GCSAML: variants seen among roughly 807,000 people sequenced by gnomAD.
GCSAML encodes germinal center-associated signaling and motility-like protein.
Under a neutral mutation model 13.0 loss-of-function variants are expected in GCSAML, and 9 were observed. The observed-to-expected ratio is 0.69, with a 90% confidence interval of 0.42 to 1.21. GCSAML has a LOEUF of 1.21. Among genes scored for constraint, GCSAML ranks in the 50% most tolerant of loss-of-function variants. The pLI is 0.00. For synonymous variants in GCSAML, 37 were observed against 52.9 expected, an observed-to-expected ratio of 0.70 and a Z score of 1.31; for missense variants, 143 against 153.4, an observed-to-expected ratio of 0.93 and a Z score of 0.36.
At chr1:247,540,660 G>A (rs1667383598) in intron 2 of GCSAML, among the ~76,000 whole-genome samples, 1 of 152,224 alleles carries the variant, frequency 6.6e-6, no homozygotes, top group South Asian at 2.1e-4. Context: ...ATGAACTGAA[G>A]GTGGGGGCAG....
chr1:247,517,938 C>G (rs561519313), intron 1 of GCSAML, among the ~76,000 whole-genome samples: 38 of 152,302 alleles, frequency 2.5e-4, no homozygotes, highest in African/African-American at 9.1e-4. Flanking sequence ...TGGAGACGGT[C>G]CCGTTTGTGG....
intron 1 of GCSAML, among the ~76,000 whole-genome samples, chr1:247,552,161 G>A (rs1157324630): frequency 6.6e-6 from 1 of 152,212 alleles, no homozygotes; most frequent in Non-Finnish European, 1.5e-5. Context: ...ACAGAGAGGA[G>A]GGCAGGAGAA....
chr1:247,534,150 G>A (rs1380072533), intron 2 of GCSAML, among the ~76,000 whole-genome samples: 1 of 152,012 alleles, frequency 6.6e-6, no homozygotes, highest in Non-Finnish European at 1.5e-5. Context: ...TTTATATAAG[G>A]TGATAATCTT....
At chr1:247,531,725 G>A in intron 2 of GCSAML, 3 of 1,614,202 alleles carry the variant, frequency 1.9e-6, no homozygotes, top group Non-Finnish European at 1.7e-6. Context: ...CTCTTGGCTG[G>A]CTGGAGATAC....
In GCSAML at chr1:247,509,801, C is replaced by T. The variant is rs558040691; in HGVS notation, c.-263+2568C>T. Reference sequence around the variant, plus strand: ...TTGGTTTTGTTTATGTGATTGATTACGTTTATTGATTTGTGTATGTTGAAC... The same window carrying T: ...TTGGTTTTGTTTATGTGATTGATTATGTTTATTGATTTGTGTATGTTGAAC... On this transcript the variant is annotated intron_variant, in intron 1 of 5. Coordinates refer to the GCSAML transcript ENST00000366489. 6.6e-5 allele frequency among the ~76,000 whole-genome samples: 10 copies of T among 152,232 alleles called. No individual in the cohort carries two copies. The East Asian group carries it at 9.6e-4, about 15-fold the overall frequency.
chr1:247,553,272 A>T (rs1255364209), intron 1 of GCSAML, among the ~76,000 whole-genome samples: 3 of 152,136 alleles, frequency 2.0e-5, no homozygotes, highest in Non-Finnish European at 2.9e-5. Context: ...TTGCAAGATG[A>T]CTTTGTATCC....
chr1:247,564,396 A>G (rs1364482774), intron 3 of GCSAML, among the ~76,000 whole-genome samples: 3 of 151,950 alleles, frequency 2.0e-5, no homozygotes. Flanking sequence ...AAAAAAAAAA[A>G]AAAAGAATTT....
upstream of GCSAML, among the ~76,000 whole-genome samples, chr1:247,546,951 AG>A (rs1421930222): frequency 4.1e-3 from 260 of 62,834 alleles, 2 homozygotes; most frequent in African/African-American, 0.036. Flanking sequence ...AAAAAAAAAA[AG>A]ATTAGCCTAG....
upstream of GCSAML, among the ~76,000 whole-genome samples, chr1:247,546,299 A>G (rs915768282): frequency 2.0e-5 from 3 of 152,108 alleles, no homozygotes; most frequent in Admixed American, 1.3e-4. Flanking sequence ...CAGCCTCCCA[A>G]GTGGATGGGA....
chr1:247,524,823 A>G (rs1666611842), intron 1 of GCSAML: 1 of 152,172 alleles, frequency 6.6e-6, no homozygotes, highest in Non-Finnish European at 1.5e-5. Flanking sequence ...GATGTGTAGA[A>G]TCATGTCAAC....
At chr1:247,541,925 G>T (rs747565990) in intron 2 of GCSAML, among the ~76,000 whole-genome samples, 2 of 150,428 alleles carry the variant, frequency 1.3e-5, no homozygotes, top group Non-Finnish European at 3.0e-5. Flanking sequence ...AGGGAGAATC[G>T]CTTGAACCCA....
In GCSAML at chr1:247,574,222, G is replaced by T. The variant is rs1399108099; in HGVS notation, c.248G>T (p.Ser83Ile). The T allele has an allele frequency of 1.2e-6, 2 of 1,614,028 alleles. No homozygotes were observed. The change falls in exon 5 of 5, where the codon AGC (serine) becomes ATC (isoleucine). Residue 83 changes from serine to isoleucine, a missense_variant. Transcript: ENST00000366488. The stretch of plus-strand genomic sequence containing the variant: ...ATCCCCCATCAGAGATCCTCCCTGA[G>T]CTCCAATGATGATGGCTATGAGAAC... ...NHIPHQRSSL[S>I]SNDDGYENID... is the part of the protein sequence containing the mutation.
intron 3 of GCSAML, among the ~76,000 whole-genome samples, chr1:247,564,274 C>T (rs1668254295): frequency 6.6e-6 from 1 of 151,490 alleles, no homozygotes; most frequent in East Asian, 1.9e-4. Flanking sequence ...TTGAAAGAAG[C>T]TGGTGGTGCA....
At chr1:247,549,950 C>T (rs989709254) in intron 1 of GCSAML, among the ~76,000 whole-genome samples, 3 of 152,202 alleles carry the variant, frequency 2.0e-5, no homozygotes, top group African/African-American at 4.8e-5. Flanking sequence ...TTGCATATGA[C>T]GTGACTACAT....
intron 2 of GCSAML, chr1:247,531,965 G>A (rs1666987986): frequency 6.2e-7 from 1 of 1,614,130 alleles, no homozygotes; most frequent in Non-Finnish European, 8.5e-7. Context: ...ATAATGAGGG[G>A]CATCTCGCAA....
At chr1:247,518,440 CG>C (rs1666296127) in intron 1 of GCSAML, 1 of 152,412 alleles carries the variant, frequency 6.6e-6, no homozygotes, top group African/African-American at 2.4e-5. Flanking sequence ...CCTTCCCGCG[CG>C]GCTGCCGCCC....
At chr1:247,518,184 C>G (rs1666282046) in intron 1 of GCSAML, among the ~76,000 whole-genome samples, 1 of 152,224 alleles carries the variant, frequency 6.6e-6, no homozygotes, top group Non-Finnish European at 1.5e-5. Flanking sequence ...CCTGGCCGCG[C>G]CGGCTCCGGG....
chr1:247,532,156 A>T, intron 2 of GCSAML: 1 of 1,614,100 alleles, frequency 6.2e-7, no homozygotes, highest in Non-Finnish European at 8.5e-7. Flanking sequence ...GTCATAGGAC[A>T]TGGTGGCCAG....
At chr1:247,520,634 T>C (rs914133350) in intron 1 of GCSAML, among the ~76,000 whole-genome samples, 15 of 152,202 alleles carry the variant, frequency 9.9e-5, no homozygotes, top group African/African-American at 3.6e-4. Flanking sequence ...AAGCACATCT[T>C]GATCAAATTT....
Sources: allele counts gnomAD v4.1 joint callset (sites outside exome capture counted in the v4.1 genomes callset), GRCh38; gene constraint gnomAD v4.1.1; transcripts MANE v1.5; gene names NCBI Gene and HGNC (gene_info 2026-07-23, HGNC 2026-07-21).